The following UNK variants were observed in gnomAD, a reference collection of about 807,000 sequenced individuals.
UNK encodes unk zinc finger.
A neutral mutation model predicts 97.6 loss-of-function variants in UNK; 32 were observed. The observed-to-expected ratio is 0.33, with a 90% confidence interval of 0.25 to 0.44. UNK has a LOEUF of 0.44. Among genes scored for constraint, UNK ranks in the 20% least tolerant of loss-of-function variants. The probability of loss-of-function intolerance (pLI) is 1.00; values close to 1 mark genes in which losing one functional copy is unlikely to be tolerated. For missense variants in UNK, 771 were observed against 1,098.4 expected (o/e 0.70, Z 4.21); for synonymous variants, 441 against 461.2 (o/e 0.96, Z 0.56).
At chr17:75,815,995 A>T (rs946550871) in intron 7 of UNK, among the ~76,000 whole-genome samples, 1 of 152,266 alleles carries the variant, frequency 6.6e-6, no homozygotes, top group Non-Finnish European at 1.5e-5. Context: ...GGTTATTTCA[A>T]TAATCAATAT....
chr17:75,813,132 G>A lies in UNK; in HGVS notation c.677G>A (p.Arg226Gln). 1 of 1,588,682 alleles carries A rather than the reference G, an allele frequency of 6.3e-7. No homozygotes were observed. The highest frequency in any genetic ancestry group is 8.6e-7 in the Non-Finnish European group (1 of 1,167,878). The change falls in exon 5 of 16, where the codon CGG becomes CAG. Residue 226 changes from arginine (R) to glutamine (Q), a missense_variant. Physicochemically the swap from Arg to Gln is conservative, Grantham distance 43. Coordinates refer to ENST00000589666, the MANE Select transcript of UNK (RefSeq NM_001080419.3). The part of the protein sequence containing the change: ...YKTEPCKKPP[R>Q]LCRQGYACPY... ...ACGGAGCCTTGCAAGAAGCCCCCGC[G>A]GCTGTGCCGCCAAGGCTATGCCTGT...
chr17:75,786,036 G>A (rs1445177180), intron 1 of UNK: 1 of 152,236 alleles, frequency 6.6e-6, no homozygotes, highest in African/African-American at 2.4e-5. Context: ...TCTTGTTATA[G>A]AAGACCTTGG....
At chr17:75,808,208 T>G (rs1343810435) in intron 1 of UNK, among the ~76,000 whole-genome samples, 1 of 152,182 alleles carries the variant, frequency 6.6e-6, no homozygotes, top group East Asian at 1.9e-4. Flanking sequence ...CCCAGCTCAG[T>G]GCCAGGCGTG....
rs555708028 is a variant in UNK, at chr17:75,801,423, C to T, written c.105-8337C>T. 7.9e-4 allele frequency among the ~76,000 whole-genome samples: 120 copies of T among 152,264 alleles called. 1 individual carries two copies. The highest frequency in any genetic ancestry group is 1.3e-3 in the Non-Finnish European group (88 of 68,016). On this transcript the variant is annotated intron_variant, in intron 1 of 15. Transcript: ENST00000589666. ...ATCCCAGCACTTTGGGAGACCGAGG[C>T]AGGAGGACACCTTGAGCCCAGGAGT...
Position 75,819,078 on chromosome 17 carries a change from C to T in UNK, c.1546+262C>T, listed in dbSNP as rs1378466624. 7.3e-6 allele frequency: 3 copies of T among 411,120 alleles called. No individual in the cohort carries two copies. Among genetic ancestry groups the T allele is most frequent in the East Asian group, 4.2e-5 (1 of 24,022 alleles). The allele number at this position is 411,120 out of a possible 1,614,324, so 25.5% of individuals were successfully genotyped here. On this transcript the variant is annotated intron_variant, in intron 11 of 15. Transcript: ENST00000589666. This position sits in a 1 kb window ranked among gnomAD's most constrained non-coding sequence, Gnocchi z 5.4. ...TGGTGAGTACAGTCTCACCCCAAGA[C>T]GTGTTGTTCAGTCCCCACTCATCTC...
chr17:75,795,724 A>C (rs1329211720), intron 1 of UNK, among the ~76,000 whole-genome samples: 2 of 152,178 alleles, frequency 1.3e-5, no homozygotes, highest in Non-Finnish European at 2.9e-5. Flanking sequence ...ATATTCTCTA[A>C]CATCAGTGAC....
intron 1 of UNK, among the ~76,000 whole-genome samples, chr17:75,796,128 G>T (rs1208816819): frequency 6.6e-6 from 1 of 152,120 alleles, no homozygotes; most frequent in Non-Finnish European, 1.5e-5. Flanking sequence ...GCCAGTGTGG[G>T]ATCAAAGACT....
intron 13 of UNK, chr17:75,821,196 C>T (rs544243020): frequency 2.1e-5 from 7 of 341,254 alleles, no homozygotes; most frequent in East Asian, 8.1e-5. Context: ...GGACCACAGG[C>T]GTGCACCACC....
intron 1 of UNK, among the ~76,000 whole-genome samples, chr17:75,790,581 A>G (rs548724839): frequency 3.9e-5 from 6 of 152,150 alleles, no homozygotes; most frequent in African/African-American, 1.2e-4. Context: ...CAGTGAGCCA[A>G]GATTGTGTTA....
At chr17:75,800,317 C>T (rs1294570084) in intron 1 of UNK, among the ~76,000 whole-genome samples, 3 of 152,042 alleles carry the variant, frequency 2.0e-5, no homozygotes, top group Non-Finnish European at 2.9e-5. Context: ...GCGATCCACC[C>T]GCCTTGGCCT....
intron 7 of UNK, 74 bp downstream of exon 7, chr17:75,815,327 CG>C: frequency 2.1e-6 from 3 of 1,425,672 alleles, no homozygotes; most frequent in Non-Finnish European, 9.7e-7. Flanking sequence ...AGGCTTAGGC[CG>C]GGGATGGCCC....
Position 75,816,912 on chromosome 17 carries a change from C to A in UNK, c.1104C>A (p.Ala368=). 1 of 1,600,742 alleles carries A rather than the reference C, an allele frequency of 6.2e-7. No homozygotes were observed. ...PSSPHAPDLS[A]LLCRNSSLGS... ...GCCCGCATGCCCCTGACCTCAGTGC[C>A]GTACGTGTCCATCCTGGGGAGTGGG... is the stretch of plus-strand genomic sequence containing the variant. Residue 368 remains alanine, a splice_region_variant and synonymous_variant, in exon 8 of 16, where the codon GCC becomes GCA. Coordinates refer to ENST00000589666, the MANE Select transcript of UNK (RefSeq NM_001080419.3). This position sits in a 1 kb window ranked among gnomAD's most constrained non-coding sequence, Gnocchi z 4.0.
Position 75,824,573 on chromosome 17 carries a change from C to T in UNK, c.*156C>T, listed in dbSNP as rs1484772446. ...ATTTCCGTATGTATGTATATGTATACATTTCCGTATGTGTGCAGGTATGCG... is the reference window on the plus strand; with the variant it reads ...ATTTCCGTATGTATGTATATGTATATATTTCCGTATGTGTGCAGGTATGCG... On this transcript the variant is annotated 3_prime_UTR_variant, in exon 16 of 16. Coordinates refer to ENST00000589666, the MANE Select transcript of UNK (RefSeq NM_001080419.3). This position sits in a 1 kb window ranked among gnomAD's most constrained non-coding sequence, Gnocchi z 4.9. 6 of 530,518 alleles carry T rather than the reference C, an allele frequency of 1.1e-5. No individual in the cohort carries two copies. Among genetic ancestry groups the T allele is most frequent in the Non-Finnish European group, 1.6e-5 (6 of 383,036 alleles). The allele number at this position is 530,518 out of a possible 1,614,324, so 32.9% of individuals were successfully genotyped here. A position where few individuals can be genotyped will look rare whatever the true frequency, so the allele number is the denominator to read the frequency against.
Position 75,817,381 on chromosome 17 carries a change from C to T in UNK, c.1160C>T (p.Pro387Leu), listed in dbSNP as rs749024886. The change falls in exon 9 of 16, where the codon CCG (proline) becomes CTG (leucine). Residue 387 changes from proline (P) to leucine (L), a missense_variant. Transcript: ENST00000589666. This position sits in a 1 kb window ranked among gnomAD's most constrained non-coding sequence, Gnocchi z 5.8. ...CCGTCTAACCTCTGCGGCTCCCCAC[C>T]GGGCTCCATCAGGAAGCCCCCAAAC... ...GSPSNLCGSP[P>L]GSIRKPPNLE... 13 of 1,610,478 alleles carry T rather than the reference C, an allele frequency of 8.1e-6. No individual in the cohort carries two copies. The highest frequency in any genetic ancestry group is 6.6e-5 in the South Asian group (6 of 90,938).
rs777252493 is a variant in UNK at position 75,819,791 on chromosome 17, G to C, written c.1648+6G>C. Reference sequence around the variant, plus strand: ...CCCAGGAAGCATCACCATCGGTACTGGGTGTGGGTGGGCAGGGCAGCCTGG... The same window carrying C: ...CCCAGGAAGCATCACCATCGGTACTCGGTGTGGGTGGGCAGGGCAGCCTGG... On this transcript the variant is annotated splice_donor_region_variant and intron_variant, in intron 12 of 15. Transcript: ENST00000589666. The surrounding 1 kb of genome is among the most constrained non-coding windows in gnomAD (Gnocchi z 5.4). 13 of 1,613,604 alleles carry C rather than the reference G, an allele frequency of 8.1e-6. No homozygotes were observed. The highest frequency in any genetic ancestry group is 6.7e-5 in the East Asian group (3 of 44,902).
In UNK at chr17:75,819,726, C is replaced by T. The variant is rs200037622; in HGVS notation, c.1589C>T (p.Ala530Val). 150 of 1,613,758 alleles carry T rather than the reference C, an allele frequency of 9.3e-5. No individual in the cohort carries two copies. Among genetic ancestry groups the T allele is most frequent in the East Asian group, 2.2e-4 (10 of 44,904 alleles). ...CTGGACCTGAATGAGTTTGGCGTGG[C>T]CGCCCTGGAGAAGACTTTCGATAAC... ...DDLDLNEFGV[A>V]ALEKTFDNST... The change falls in exon 12 of 16, where the codon GCC (alanine) becomes GTC (valine). Residue 530 changes from alanine (A) to valine (V), a missense_variant. By Grantham distance (64) the Ala-to-Val change is moderately conservative (BLOSUM62 0). Around this residue, in one of 5 missense-constraint regions of UNK, gnomAD observed 91 missense variants for 173.1 expected, o/e 0.53. Coordinates refer to ENST00000589666, the MANE Select transcript of UNK (RefSeq NM_001080419.3). This position sits in a 1 kb window ranked among gnomAD's most constrained non-coding sequence, Gnocchi z 5.4.
At chr17:75,786,070 C>T (rs900227489) in intron 1 of UNK, among the ~76,000 whole-genome samples, 13 of 152,150 alleles carry the variant, frequency 8.5e-5, no homozygotes, top group Non-Finnish European at 1.8e-4. Flanking sequence ...GGTTGGGGAA[C>T]ATTGGTTATA....
chr17:75,823,984 C>T (rs1432660114), intron 15 of UNK, among the ~76,000 whole-genome samples: 1 of 152,232 alleles, frequency 6.6e-6, no homozygotes, highest in East Asian at 1.9e-4. Flanking sequence ...TGTCCCAGCC[C>T]TTTCTGGGCC....
At chr17:75,799,062 T>C (rs2061832825) in intron 1 of UNK, among the ~76,000 whole-genome samples, 1 of 148,676 alleles carries the variant, frequency 6.7e-6, no homozygotes, top group Non-Finnish European at 1.5e-5. Context: ...CGAGACTCCA[T>C]CTCAAAAACA....
Sources: gnomAD v4.1 joint callset for allele counts (sites outside exome capture counted in the v4.1 genomes callset) on GRCh38, gnomAD v4.1.1 for gene constraint, gnomAD v4.1.1 regional missense constraint, Gnocchi (gnomAD v3.1) non-coding constraint, MANE v1.5 for transcripts, NCBI Gene and HGNC (gene_info 2026-07-23, HGNC 2026-07-21) for gene names.